The following TSGA10 variants were observed in gnomAD, a reference collection of about 807,000 sequenced individuals.
TSGA10 encodes the protein testis-specific gene 10 protein.
In TSGA10, 43 loss-of-function variants were observed where a neutral mutation model predicts 96.6. That is an observed-to-expected ratio of 0.44 (90% CI 0.35 to 0.57). TSGA10 has a LOEUF of 0.57. TSGA10 is among the 20% of genes least tolerant of loss of function. The pLI is 0.01. For missense variants in TSGA10, 703 were observed against 834.4 expected, an observed-to-expected ratio of 0.84 and a Z score of 1.94; for synonymous variants, 229 against 269.9, an observed-to-expected ratio of 0.85 and a Z score of 1.48.
At chr2:99,102,796 A>G (rs1290443196) in intron 10 of TSGA10, 2 of 1,425,724 alleles carry the variant, frequency 1.4e-6, no homozygotes, top group East Asian at 4.5e-5. Context: ...GTATAGTAAT[A>G]TGATTCTCAT....
At chr2:99,095,337 A>G (rs1487835131) in intron 10 of TSGA10, among the ~76,000 whole-genome samples, 1 of 152,182 alleles carries the variant, frequency 6.6e-6, no homozygotes, top group African/African-American at 2.4e-5. Flanking sequence ...GATCTCACAA[A>G]TCACTGAAGA....
At chr2:99,133,528 A>C (rs983075734) in intron 1 of TSGA10, among the ~76,000 whole-genome samples, 1 of 151,904 alleles carries the variant, frequency 6.6e-6, no homozygotes, top group Admixed American at 6.6e-5. Flanking sequence ...ATGGGTCTTG[A>C]CTCTTTATCC....
chr2:99,112,860 C>A (rs2091933096), intron 4 of TSGA10, among the ~76,000 whole-genome samples: 1 of 143,804 alleles, frequency 7.0e-6, no homozygotes, highest in African/African-American at 2.5e-5. Flanking sequence ...TGTCCCCCAC[C>A]CCACCCTTTG....
intron 17 of TSGA10, among the ~76,000 whole-genome samples, chr2:99,023,172 G>A (rs2104976982): frequency 6.6e-6 from 1 of 152,118 alleles, no homozygotes; most frequent in South Asian, 2.1e-4. Flanking sequence ...GTTAATTTTT[G>A]TATTTTTTGT....
intron 7 of TSGA10, among the ~76,000 whole-genome samples, chr2:99,106,901 C>A (rs183715477): frequency 6.6e-6 from 1 of 152,244 alleles, no homozygotes; most frequent in East Asian, 1.9e-4. Flanking sequence ...GAGACTTCAT[C>A]CACTCTGAAG....
chr2:99,042,864 CG>C (rs773423855), intron 16 of TSGA10, among the ~76,000 whole-genome samples: 20 of 151,876 alleles, frequency 1.3e-4, no homozygotes, highest in Non-Finnish European at 2.2e-4. Context: ...CCATCATGCC[CG>C]GCTAATTTTT....
intron 7 of TSGA10, among the ~76,000 whole-genome samples, chr2:99,106,768 C>T (rs899760794): frequency 6.6e-6 from 1 of 152,072 alleles, no homozygotes. Context: ...AGATTCCTTC[C>T]TCCCTTTTAA....
At position 99,008,130 on chromosome 2, in the gene TSGA10, C is replaced by T. The variant is rs544971024; in HGVS notation, c.2073-9909G>A. ...CTAAAAGAAAACATTCCTCTACTAT[C>T]TGGGGAGAGAGAAAGATTTGCTAAC... is the stretch of plus-strand genomic sequence containing the variant. On this transcript the variant is annotated intron_variant, in intron 20 of 20. Coordinates refer to ENST00000393483, the MANE Select transcript of TSGA10 (RefSeq NM_025244.4). Among the ~76,000 whole-genome samples the T allele has an allele frequency of 2.6e-5, 4 of 152,198 alleles. No individual in the cohort carries two copies. The East Asian group carries it at 7.7e-4, about 29-fold the overall frequency.
chr2:99,010,447 T>C (rs1350171062), intron 20 of TSGA10, among the ~76,000 whole-genome samples: 1 of 152,142 alleles, frequency 6.6e-6, no homozygotes, highest in Non-Finnish European at 1.5e-5. Context: ...AAAACCTACC[T>C]CCGAACACGT....
At chr2:99,104,189 T>C in intron 9 of TSGA10, 71 bp from the exon 10 acceptor site, 2 of 1,553,292 alleles carry the variant, frequency 1.3e-6, no homozygotes, top group Admixed American at 3.4e-5. Context: ...AAGGGCATAC[T>C]CCCTCTGTAC....
chr2:99,045,628 C>CA (rs762494926), intron 16 of TSGA10, among the ~76,000 whole-genome samples: 3 of 152,200 alleles, frequency 2.0e-5, no homozygotes, highest in Non-Finnish European at 4.4e-5. Flanking sequence ...ACTGCAAAAA[C>CA]ATGACAAATT....
At chr2:99,143,003 G>A (rs1401922139) in intron 1 of TSGA10, among the ~76,000 whole-genome samples, 1 of 151,912 alleles carries the variant, frequency 6.6e-6, no homozygotes, top group Non-Finnish European at 1.5e-5. Context: ...CCAAAAGAGG[G>A]TGAAAAGATT....
chr2:99,048,812 A>C (rs1435237560), intron 16 of TSGA10, among the ~76,000 whole-genome samples: 1 of 152,132 alleles, frequency 6.6e-6, no homozygotes, highest in East Asian at 1.9e-4. Flanking sequence ...AATGGGGGAA[A>C]ATTTTTGCAA....
chr2:99,147,678 A>G (rs933087054), intron 1 of TSGA10, among the ~76,000 whole-genome samples: 3 of 152,208 alleles, frequency 2.0e-5, no homozygotes, highest in Non-Finnish European at 4.4e-5. Flanking sequence ...GTATTTTGAA[A>G]AAGTTTTAAA....
intron 1 of TSGA10, among the ~76,000 whole-genome samples, chr2:99,148,551 T>C (rs2093655410): frequency 1.3e-5 from 2 of 152,236 alleles, no homozygotes; most frequent in African/African-American, 2.4e-5. Flanking sequence ...GTCACAAATA[T>C]GGATAAACAG....
intron 7 of TSGA10, among the ~76,000 whole-genome samples, chr2:99,108,240 T>C (rs1388831192): frequency 6.6e-6 from 1 of 152,180 alleles, no homozygotes; most frequent in East Asian, 1.9e-4. Flanking sequence ...ATCTTATCAT[T>C]TTTCTATCCC....
At chr2:99,040,080 A>G (rs569451503) in intron 16 of TSGA10, among the ~76,000 whole-genome samples, 2 of 152,242 alleles carry the variant, frequency 1.3e-5, no homozygotes, top group East Asian at 1.9e-4. Flanking sequence ...TTCCTTTATC[A>G]TTAAAACCCT....
At chr2:99,141,300 A>G in intron 1 of TSGA10, 1 of 432,066 alleles carries the variant, frequency 2.3e-6, no homozygotes, top group South Asian at 2.4e-5. Flanking sequence ...GGGGGCGGTT[A>G]GCGCCAGCCA....
intron 16 of TSGA10, among the ~76,000 whole-genome samples, chr2:99,056,879 T>C (rs910188980): frequency 6.7e-6 from 1 of 148,506 alleles, no homozygotes; most frequent in Non-Finnish European, 1.5e-5. Flanking sequence ...TTACATACCA[T>C]GACCAAGTGG....
Sources: allele counts gnomAD v4.1 joint callset (sites outside exome capture counted in the v4.1 genomes callset), GRCh38; gene constraint gnomAD v4.1.1; transcripts MANE v1.5; gene names NCBI Gene and HGNC (gene_info 2026-07-23, HGNC 2026-07-21).